Variants in ELK3 observed in about 807,000 individuals in gnomAD.
ELK3 encodes ETS transcription factor ELK3, also known as ETS domain-containing protein Elk-3.
A neutral mutation model predicts 28.9 loss-of-function variants in ELK3; 10 were observed. That is an observed-to-expected ratio of 0.35 (90% CI 0.21 to 0.59). ELK3 has a LOEUF of 0.59. ELK3 is among the 20% of genes least tolerant of loss of function. ELK3 has a pLI of 0.82. For synonymous variants in ELK3, 272 were observed against 243.5 expected (o/e 1.12, Z -1.09); for missense variants, 463 against 517.3 (o/e 0.90, Z 1.02).
At chr12:96,265,322 C>G (rs923883485) in intron 4 of ELK3, among the ~76,000 whole-genome samples, 4 of 152,034 alleles carry the variant, frequency 2.6e-5, no homozygotes, top group Admixed American at 1.3e-4. Context: ...CAGATGAATA[C>G]CAAAACTGAT....
chr12:96,196,918 C>T (rs1197572144), intron 1 of ELK3, among the ~76,000 whole-genome samples: 2 of 152,042 alleles, frequency 1.3e-5, no homozygotes, highest in Admixed American at 6.6e-5. Context: ...CTAAAAACAG[C>T]CCAAACAGCC....
rs893214338 is a variant in ELK3, at chr12:96,268,174, C to G, written c.*994C>G. Reference sequence around the variant, plus strand: ...GAAGCTCACAGAGTGGTGATGAACCCAAACAACAAAGAAACCATTTTTAAC... The same window carrying G: ...GAAGCTCACAGAGTGGTGATGAACCGAAACAACAAAGAAACCATTTTTAAC... On this transcript the variant is annotated 3_prime_UTR_variant, in exon 5 of 5. Coordinates refer to ENST00000228741, the MANE Select transcript of ELK3 (RefSeq NM_005230.4). The G allele has an allele frequency of 6.6e-6, 1 of 152,130 alleles. No individual in the cohort carries two copies. Among genetic ancestry groups the G allele is most frequent in the African/African-American group, 2.4e-5 (1 of 41,418 alleles). 9.4% of individuals were successfully genotyped at this position (152,130 alleles called of 1,614,324 possible). A position where few individuals can be genotyped will look rare whatever the true frequency, so the allele number is the denominator to read the frequency against.
intron 2 of ELK3, among the ~76,000 whole-genome samples, chr12:96,244,005 CAAAAA>C (rs146090608): frequency 1.8e-5 from 2 of 111,140 alleles, no homozygotes; most frequent in Non-Finnish European, 1.9e-5. Flanking sequence ...GACTCCATCT[CAAAAA>C]AAAAAAAAAA....
In ELK3 at chr12:96,267,624, G is replaced by A. The variant is rs1402049978; in HGVS notation, c.*444G>A. 1 of 152,874 alleles carries A rather than the reference G, an allele frequency of 6.5e-6. No homozygotes were observed. Among genetic ancestry groups the A allele is most frequent in the Non-Finnish European group, 1.5e-5 (1 of 68,230 alleles). 9.5% of individuals were successfully genotyped at this position (152,874 alleles called of 1,614,324 possible). On this transcript the variant is annotated 3_prime_UTR_variant, in exon 5 of 5. Transcript: ENST00000228741. ...ATATTTTTTAGTATTAAGAGGAAATGTTTGAAAGATGAAAATTAGTATCAA... is the reference window on the plus strand; with the variant it reads ...ATATTTTTTAGTATTAAGAGGAAATATTTGAAAGATGAAAATTAGTATCAA...
intron 1 of ELK3, among the ~76,000 whole-genome samples, chr12:96,219,144 C>T (rs12316843): frequency 3.9e-5 from 6 of 152,140 alleles, no homozygotes; most frequent in Non-Finnish European, 7.3e-5. Flanking sequence ...AGTACCACCA[C>T]TTTTTCAATT....
At chr12:96,263,768 AG>A (rs1349266667) in intron 4 of ELK3, among the ~76,000 whole-genome samples, 6 of 152,218 alleles carry the variant, frequency 3.9e-5, no homozygotes, top group Admixed American at 1.3e-4. Context: ...GAGTCTGTTC[AG>A]GAAGGGACCA....
intron 3 of ELK3, among the ~76,000 whole-genome samples, chr12:96,255,856 T>G (rs1341218777): frequency 6.6e-6 from 1 of 152,164 alleles, no homozygotes; most frequent in African/African-American, 2.4e-5. Context: ...TCACCATATA[T>G]AGGGTCAAAT....
intron 1 of ELK3, among the ~76,000 whole-genome samples, chr12:96,221,659 G>A (rs1951662969): frequency 1.3e-5 from 2 of 152,222 alleles, no homozygotes; most frequent in South Asian, 4.1e-4. Flanking sequence ...CATCAGAAGG[G>A]TGGTTCATAG....
At chr12:96,261,252 T>A (rs1399216287) in intron 4 of ELK3, among the ~76,000 whole-genome samples, 1 of 152,150 alleles carries the variant, frequency 6.6e-6, no homozygotes, top group East Asian at 1.9e-4. Flanking sequence ...TAGGGTGTCA[T>A]GAAGTGACCA....
Position 96,223,672 on chromosome 12 carries a change from C to T in ELK3, c.106C>T (p.Leu36Phe). 6.2e-7 allele frequency: 1 copy of T among 1,614,116 alleles called. No homozygotes were observed. Among genetic ancestry groups the T allele is most frequent in the South Asian group, 1.1e-5 (1 of 91,088 alleles). ...CTCGAACGATGGTGAATTCAAGCTC[C>T]TCAAAGCAGAAGAAGTGGCCAAGCT... ...WTSNDGEFKLLKAEEVAKLWG... is the reference protein window; with the variant it reads ...WTSNDGEFKLFKAEEVAKLWG... Residue 36 changes from leucine (L) to phenylalanine (F), a missense_variant, in exon 2 of 5, where the codon CTC becomes TTC. By Grantham distance (22) the Leu-to-Phe change is conservative. Transcript: ENST00000228741.
rs371948206 is a variant in ELK3, at chr12:96,239,313, GT to G, written c.208-7619del. On this transcript the variant is annotated intron_variant, in intron 2 of 4. Transcript: ENST00000228741. ...TTAAAATAATGGAATTATTCATACT[GT>G]TTTTTTTCCCCACCTAATGTATATT... Among the ~76,000 whole-genome samples, 604 of 151,950 alleles carry G rather than the reference GT, an allele frequency of 4.0e-3. 2 individuals carry two copies. The highest frequency in any genetic ancestry group is 0.014 in the African/African-American group (575 of 41,426).
chr12:96,247,128 G>A lies in ELK3; in HGVS notation c.396G>A (p.Thr132=), dbSNP rs112218128. 188 of 1,613,822 alleles carry A rather than the reference G, an allele frequency of 1.2e-4. 3 individuals are homozygous for A. In the African/African-American group the frequency reaches 1.5e-3, roughly 13 times the overall value. The part of the protein sequence containing the change: ...HKHGLAALRS[T]SRNEYIHSGL... ...ACGGCCTGGCCGCCCTCAGAAGCAC[G>A]AGCCGCAACGAATACATCCACTCAG... is the stretch of plus-strand genomic sequence containing the variant. Residue 132 remains threonine (T), a synonymous_variant, in exon 3 of 5, where the codon ACG becomes ACA. Transcript: ENST00000228741. The surrounding 1 kb of genome is among the most constrained non-coding windows in gnomAD (Gnocchi z 5.5).
At chr12:96,235,783 A>G (rs919009277) in intron 2 of ELK3, among the ~76,000 whole-genome samples, 2 of 152,150 alleles carry the variant, frequency 1.3e-5, no homozygotes, top group Non-Finnish European at 2.9e-5. Flanking sequence ...CCAGCAGGGG[A>G]AAGGGAAAGA....
chr12:96,266,494 ATTCT>A (rs988345004), intron 4 of ELK3, among the ~76,000 whole-genome samples: 22 of 152,078 alleles, frequency 1.4e-4, no homozygotes, highest in Admixed American at 1.3e-4. Context: ...CAGAAATCTT[ATTCT>A]TTGTCACTTA....
chr12:96,220,356 C>T (rs1951653156), intron 1 of ELK3, among the ~76,000 whole-genome samples: 1 of 151,222 alleles, frequency 6.6e-6, no homozygotes, highest in Non-Finnish European at 1.5e-5. Flanking sequence ...CCGATCCCTC[C>T]ACACCTAGTA....
chr12:96,206,472 A>G (rs972641843), intron 1 of ELK3, among the ~76,000 whole-genome samples: 2 of 152,080 alleles, frequency 1.3e-5, no homozygotes, highest in African/African-American at 2.4e-5. Flanking sequence ...GTGCGCCACC[A>G]TGCCCAGCTA....
At position 96,247,225 on chromosome 12, in the gene ELK3, A is replaced by G. The variant is rs151238385; in HGVS notation, c.493A>G (p.Lys165Glu). ...PDAFKAIKTE[K>E]LEEPPEDSPP... The stretch of plus-strand genomic sequence containing the variant: ...CGCCTTCAAGGCCATCAAGACGGAG[A>G]AGCTGGAGGAGCCGCCCGAAGACAG... Residue 165 changes from lysine (K) to glutamate (E), a missense_variant, in exon 3 of 5, where the codon AAG (lysine) becomes GAG (glutamate). This residue lies in a region of ELK3 where 408 missense variants were observed against 414.8 expected (regional missense o/e 0.98). Transcript: ENST00000228741. The surrounding 1 kb of genome is among the most constrained non-coding windows in gnomAD (Gnocchi z 5.5). 803 of 1,614,186 alleles carry G rather than the reference A, an allele frequency of 5.0e-4. 3 individuals carry two copies. The East Asian group carries it at 0.016, about 32-fold the overall frequency.
At chr12:96,202,244 C>A (rs1044852242) in intron 1 of ELK3, among the ~76,000 whole-genome samples, 1 of 152,194 alleles carries the variant, frequency 6.6e-6, no homozygotes, top group African/African-American at 2.4e-5. Flanking sequence ...AAACCCCTAA[C>A]TCAAGCTGCA....
At chr12:96,230,899 A>C (rs1480993345) in intron 2 of ELK3, among the ~76,000 whole-genome samples, 7 of 152,172 alleles carry the variant, frequency 4.6e-5, no homozygotes, top group Non-Finnish European at 2.9e-5. Flanking sequence ...AAGCTTTTGT[A>C]GAGGCTGCGG....
Sources: gnomAD v4.1 joint callset for allele counts (sites outside exome capture counted in the v4.1 genomes callset) on GRCh38, gnomAD v4.1.1 for gene constraint, gnomAD v4.1.1 regional missense constraint, Gnocchi (gnomAD v3.1) non-coding constraint, MANE v1.5 for transcripts, NCBI Gene and HGNC (gene_info 2026-07-23, HGNC 2026-07-21) for gene names.